FRAS1: variants seen among roughly 807,000 people sequenced by gnomAD.
FRAS1 encodes the protein Fraser extracellular matrix complex subunit 1.
FRAS1 carries 290 observed loss-of-function variants against 435.2 expected under a neutral mutation model. The observed-to-expected ratio is 0.67, with a 90% CI of 0.61 to 0.73. FRAS1 has a LOEUF of 0.73. Among genes scored for constraint, FRAS1 ranks in the 30% least tolerant of loss-of-function variants. The pLI, the probability that FRAS1 is intolerant of heterozygous loss-of-function variation, is 0.00. For synonymous variants in FRAS1, 1,800 were observed against 1,851.0 expected, an observed-to-expected ratio of 0.97 and a Z score of 0.71; for missense variants, 4,860 against 5,001.5, an observed-to-expected ratio of 0.97 and a Z score of 0.85.
Position 78,479,410 on chromosome 4 carries a change from C to T in FRAS1, c.8135C>T (p.Thr2712Ile). The change falls in exon 56 of 74, where the codon ACA (threonine) becomes ATA (isoleucine). Residue 2712 changes from threonine to isoleucine, a missense_variant. Physicochemically the swap from Thr to Ile is moderately conservative, Grantham distance 89. Transcript: ENST00000512123. ...ASSIVSAICY[T>I]VPKSAMGSSL... Reference sequence around the variant, plus strand: ...AGCATTGTATCTGCAATTTGCTACACAGTCCCTAAGTCAGCTATGGGAAGT... The same window carrying T: ...AGCATTGTATCTGCAATTTGCTACATAGTCCCTAAGTCAGCTATGGGAAGT... 6.5e-7 allele frequency: 1 copy of T among 1,528,666 alleles called. No homozygotes were observed. The highest frequency in any genetic ancestry group is 1.3e-5 in the South Asian group (1 of 75,892). 94.7% of individuals were successfully genotyped at this position (1,528,666 alleles called of 1,614,324 possible). A position where few individuals can be genotyped will look rare whatever the true frequency, so the allele number is the denominator to read the frequency against.
intron 50 of FRAS1, among the ~76,000 whole-genome samples, chr4:78,467,603 T>G (rs898425778): frequency 1.9e-4 from 29 of 152,358 alleles, no homozygotes; most frequent in African/African-American, 6.3e-4. Context: ...GTGGGATTGT[T>G]GGATTGTATG....
At chr4:78,078,386 T>C (rs577737929) in intron 2 of FRAS1, among the ~76,000 whole-genome samples, 37 of 152,314 alleles carry the variant, frequency 2.4e-4, no homozygotes, top group Non-Finnish European at 1.2e-4. Context: ...GGGGAAGTCA[T>C]ACTAATTTAC....
At chr4:78,389,268 T>G (rs1732351184) in intron 29 of FRAS1, among the ~76,000 whole-genome samples, 1 of 152,224 alleles carries the variant, frequency 6.6e-6, no homozygotes, top group African/African-American at 2.4e-5. Context: ...ACCTTTTATT[T>G]CAAATATCAC....
rs770048428 is a variant in FRAS1 at position 78,507,475 on chromosome 4, G to A, written c.9371G>A (p.Trp3124Ter). 6.8e-6 allele frequency: 11 copies of A among 1,612,708 alleles called. No homozygotes were observed. Among genetic ancestry groups the A allele is most frequent in the Non-Finnish European group, 9.3e-6 (11 of 1,179,384 alleles). The change falls in exon 62 of 74, where the codon TGG (tryptophan) becomes TAG (stop). Residue 3124 changes from tryptophan (W) to a stop codon, truncating the protein, a stop_gained. Transcript: ENST00000512123. LOFTEE classifies it high-confidence loss of function. The part of the protein sequence containing the change: ...VEILSNEDRE[W>*]HESFSLVLGP... ...ATCCTGTCCAATGAAGACCGGGAAT[G>A]GCATGAATCTTTCTCACTAGTCCTT...
chr4:78,434,211 T>C (rs1216992362), intron 38 of FRAS1, among the ~76,000 whole-genome samples: 1 of 152,214 alleles, frequency 6.6e-6, no homozygotes, highest in Non-Finnish European at 1.5e-5. Context: ...AGTTTAAGTG[T>C]TATTAACTGG....
chr4:78,384,174 T>G lies in FRAS1; in HGVS notation c.3648+31T>G, dbSNP rs1463459594. On this transcript the variant is annotated intron_variant, in intron 28 of 73. Transcript: ENST00000512123. ...AAAAATGGCCACGTAATTAATAATT[T>G]TACATGACTACTAGTTCTCAAGCAC... 3 of 1,391,434 alleles carry G rather than the reference T, an allele frequency of 2.2e-6. No homozygotes were observed. The Admixed American group carries it at 6.4e-5, about 30-fold the overall frequency. 86.2% of individuals were successfully genotyped at this position (1,391,434 alleles called of 1,614,324 possible). A position where few individuals can be genotyped will look rare whatever the true frequency, so the allele number is the denominator to read the frequency against.
intron 2 of FRAS1, among the ~76,000 whole-genome samples, chr4:78,113,654 T>C (rs934227974): frequency 1.3e-3 from 198 of 152,276 alleles, no homozygotes; most frequent in African/African-American, 4.3e-3. Flanking sequence ...TCATATCCTT[T>C]GCCCACTTGT....
chr4:78,454,746 C>T (rs1191686705), intron 47 of FRAS1, among the ~76,000 whole-genome samples: 1 of 152,200 alleles, frequency 6.6e-6, no homozygotes, highest in Non-Finnish European at 1.5e-5. Flanking sequence ...TGGTCAGTAG[C>T]AGCCCCAGCT....
chr4:78,502,488 A>C (rs1720715561), intron 61 of FRAS1, among the ~76,000 whole-genome samples: 2 of 152,132 alleles, frequency 1.3e-5, no homozygotes, highest in South Asian at 4.1e-4. Flanking sequence ...GCAATTGTGA[A>C]TGGGAGTTCA....
chr4:78,340,098 A>G lies in FRAS1; in HGVS notation c.2422+2281A>G, dbSNP rs111462921. Among the ~76,000 whole-genome samples the G allele has an allele frequency of 5.5e-4, 84 of 152,310 alleles. 1 individual carries two copies. Among genetic ancestry groups the G allele is most frequent in the Middle Eastern group, 3.4e-3 (1 of 294 alleles). ...GTTCTAATGTCCAGAGTGTTCTTTG[A>G]TAGTAAATTAGGTGATTAGGACTTG... On this transcript the variant is annotated intron_variant, in intron 20 of 73. Coordinates refer to ENST00000512123, the MANE Select transcript of FRAS1 (RefSeq NM_025074.7).
At chr4:78,385,802 T>G (rs1388947588) in intron 28 of FRAS1, among the ~76,000 whole-genome samples, 11 of 151,734 alleles carry the variant, frequency 7.2e-5, no homozygotes, top group African/African-American at 2.7e-4. Context: ...GGAGACTCGC[T>G]TGAACCCGGG....
intron 20 of FRAS1, among the ~76,000 whole-genome samples, chr4:78,360,781 G>A (rs972099230): frequency 1.3e-5 from 2 of 152,122 alleles, no homozygotes; most frequent in South Asian, 2.1e-4. Flanking sequence ...ATTAACACAC[G>A]TTACACTCCT....
chr4:78,366,582 A>C (rs1731277429), intron 22 of FRAS1, among the ~76,000 whole-genome samples: 1 of 152,190 alleles, frequency 6.6e-6, no homozygotes, highest in African/African-American at 2.4e-5. Context: ...ACAGCAGAAA[A>C]CAAGTCTGTT....
intron 14 of FRAS1, among the ~76,000 whole-genome samples, chr4:78,306,798 C>T (rs192089404): frequency 3.3e-5 from 5 of 152,118 alleles, no homozygotes; most frequent in South Asian, 2.1e-4. Context: ...AACTTCTTTG[C>T]GTTTGGTTTG....
At chr4:78,173,994 G>C (rs1474905045) in intron 2 of FRAS1, among the ~76,000 whole-genome samples, 1 of 152,206 alleles carries the variant, frequency 6.6e-6, no homozygotes, top group Non-Finnish European at 1.5e-5. Context: ...TGGTGTAACT[G>C]GGTGCTACGT....
At position 78,337,128 on chromosome 4, in the gene FRAS1, T is replaced by C. The variant is rs1035662306; in HGVS notation, c.2279-546T>C. ...AGGACTTTTTCTGTTCTTTGTATTT[T>C]AATTAAGTATTGCTGATAAAATAAG... is the stretch of plus-strand genomic sequence containing the variant. On this transcript the variant is annotated intron_variant, in intron 19 of 73. Transcript: ENST00000512123. Among the ~76,000 whole-genome samples, 3 of 152,230 alleles carry C rather than the reference T, an allele frequency of 2.0e-5. No homozygotes were observed. The East Asian group carries it at 5.8e-4, about 29-fold the overall frequency.
Position 78,284,482 on chromosome 4 carries a change from C to T in FRAS1, c.1333C>T (p.Leu445=). ...CDLCQDPTKL[L]QNGWCVHSCG... ...CCTCTGCCAAGATCCTACCAAGTTA[C>T]TGCAGAATGGATGGTGTGTGCACAG... The change falls in exon 13 of 74, where the codon CTG becomes TTG. Residue 445 remains leucine, a synonymous_variant. Transcript: ENST00000512123. The T allele has an allele frequency of 6.2e-7, 1 of 1,613,876 alleles. No individual in the cohort carries two copies. Among genetic ancestry groups the T allele is most frequent in the Non-Finnish European group, 8.5e-7 (1 of 1,179,832 alleles).
chr4:78,273,964 G>A (rs1293757170), intron 9 of FRAS1, among the ~76,000 whole-genome samples: 2 of 152,060 alleles, frequency 1.3e-5, no homozygotes, highest in South Asian at 2.1e-4. Context: ...TTGGTTGGTA[G>A]GCTATTAATT....
intron 43 of FRAS1, 22 bp downstream of exon 43, chr4:78,446,902 A>C: frequency 6.3e-7 from 1 of 1,588,060 alleles, no homozygotes; most frequent in Admixed American, 1.8e-5. Flanking sequence ...ACTGCTATGA[A>C]AAGCTTCTTA....
Sources: gnomAD v4.1 joint callset for allele counts (sites outside exome capture counted in the v4.1 genomes callset) on GRCh38, gnomAD v4.1.1 for gene constraint, MANE v1.5 for transcripts, NCBI Gene and HGNC (gene_info 2026-07-23, HGNC 2026-07-21) for gene names.